SLC4A4: variants seen among roughly 807,000 people sequenced by gnomAD.
SLC4A4 encodes the protein electrogenic sodium bicarbonate cotransporter 1.
Under a neutral mutation model 111.5 loss-of-function variants are expected in SLC4A4, and 27 were observed. That is an observed-to-expected ratio of 0.24 (90% CI 0.18 to 0.33). The LOEUF (loss-of-function observed/expected upper bound fraction) is 0.33, where lower values mean the gene tolerates loss of function less well. Ranked by LOEUF, SLC4A4 falls within the 10% of genes least tolerant of loss-of-function variation. The pLI is 1.00. For synonymous variants in SLC4A4, 443 were observed against 463.4 expected (o/e 0.96, Z 0.57); for missense variants, 909 against 1,315.5 (o/e 0.69, Z 4.78).
At chr4:71,263,736 A>G (rs928511139) in intron 3 of SLC4A4, among the ~76,000 whole-genome samples, 2 of 152,206 alleles carry the variant, frequency 1.3e-5, no homozygotes, top group Non-Finnish European at 2.9e-5. Flanking sequence ...GCAATAACTA[A>G]TTTGTACATA....
At chr4:71,297,107 T>G (rs2148833967) in intron 3 of SLC4A4, among the ~76,000 whole-genome samples, 1 of 152,298 alleles carries the variant, frequency 6.6e-6, no homozygotes, top group South Asian at 2.1e-4. Context: ...GCAAGAGACA[T>G]TCTGAGGTTT....
chr4:71,512,854 A>G (rs1732054653), intron 16 of SLC4A4, among the ~76,000 whole-genome samples: 1 of 152,186 alleles, frequency 6.6e-6, no homozygotes, highest in African/African-American at 2.4e-5. Flanking sequence ...GGATGTGGGT[A>G]TCCAATTTTC....
At chr4:71,245,009 A>C (rs1720544107) in intron 2 of SLC4A4, among the ~76,000 whole-genome samples, 1 of 152,164 alleles carries the variant, frequency 6.6e-6, no homozygotes, top group South Asian at 2.1e-4. Context: ...AGGCCAGGGA[A>C]TATATCTCCT....
intron 1 of SLC4A4, among the ~76,000 whole-genome samples, chr4:71,229,625 G>T (rs922181260): frequency 1.3e-5 from 2 of 152,020 alleles, no homozygotes; most frequent in Non-Finnish European, 2.9e-5. Context: ...GATTTGCTTC[G>T]CTTTGTTGCT....
rs992792671 is a variant in SLC4A4, at chr4:71,407,273, T to G, written c.807+9620T>G. On this transcript the variant is annotated intron_variant, in intron 7 of 25. Transcript: ENST00000264485. ...AAATTTTTAAGGGTCTTATGGTGAC[T>G]GGATGGATGTTTCTGCTGCCACAAT... 3.0e-4 allele frequency among the ~76,000 whole-genome samples: 46 copies of G among 152,334 alleles called. 2 individuals carry two copies. Among genetic ancestry groups the G allele is most frequent in the Middle Eastern group, 3.4e-3 (1 of 294 alleles).
intron 7 of SLC4A4, among the ~76,000 whole-genome samples, chr4:71,398,435 G>A (rs1308349814): frequency 6.6e-6 from 1 of 152,122 alleles, no homozygotes; most frequent in Non-Finnish European, 1.5e-5. Context: ...AGAGCAATCA[G>A]GTTTTGAATA....
chr4:71,176,698 T>A (rs1745105476), intron 2 of SLC4A4, among the ~76,000 whole-genome samples: 1 of 152,146 alleles, frequency 6.6e-6, no homozygotes, highest in Admixed American at 6.5e-5. Context: ...CAAATCTACG[T>A]CTGATTGGTG....
Position 71,476,111 on chromosome 4 carries a change from T to A in SLC4A4, c.1903+3141T>A, listed in dbSNP as rs535135803. 3.3e-5 allele frequency among the ~76,000 whole-genome samples: 5 copies of A among 151,852 alleles called. No individual in the cohort carries two copies. In the South Asian group the frequency reaches 1.0e-3, roughly 32 times the overall value. ...TTGGAAAAAGGCAGTGGATAGTTATTTGCACTTTCATGACAATTTCATATT... is the reference window on the plus strand; with the variant it reads ...TTGGAAAAAGGCAGTGGATAGTTATATGCACTTTCATGACAATTTCATATT... On this transcript the variant is annotated intron_variant, in intron 14 of 25. Transcript: ENST00000264485.
At chr4:71,161,655 G>A (rs755975303) in intron 2 of SLC4A4, among the ~76,000 whole-genome samples, 1 of 152,170 alleles carries the variant, frequency 6.6e-6, no homozygotes, top group Non-Finnish European at 1.5e-5. Flanking sequence ...CTACTGAGCA[G>A]TGTTTGACAC....
At chr4:71,332,368 G>T (rs1728070933) in intron 3 of SLC4A4, among the ~76,000 whole-genome samples, 1 of 150,578 alleles carries the variant, frequency 6.6e-6, no homozygotes, top group Admixed American at 6.6e-5. Flanking sequence ...CCTTAGCTTT[G>T]CCCTTTTAGG....
intron 1 of SLC4A4, among the ~76,000 whole-genome samples, chr4:71,189,301 GT>G (rs946851624): frequency 2.7e-4 from 41 of 152,088 alleles, no homozygotes; most frequent in African/African-American, 9.9e-4. Context: ...TGTACTCTCA[GT>G]TTAGATTAAT....
intron 2 of SLC4A4, among the ~76,000 whole-genome samples, chr4:71,141,444 C>G (rs1028589966): frequency 1.3e-5 from 2 of 152,180 alleles, no homozygotes; most frequent in Non-Finnish European, 2.9e-5. Context: ...TCAAACATTT[C>G]AAGATTTTCC....
chr4:71,543,828 T>C (rs1374003389), intron 18 of SLC4A4, among the ~76,000 whole-genome samples: 1 of 152,100 alleles, frequency 6.6e-6, no homozygotes, highest in Non-Finnish European at 1.5e-5. Flanking sequence ...CTGTGATGTC[T>C]CTACTGTTTT....
In SLC4A4 at chr4:71,318,355, C is replaced by G. The variant is rs577494826; in HGVS notation, c.254-21015C>G. 4.6e-5 allele frequency among the ~76,000 whole-genome samples: 7 copies of G among 152,106 alleles called. No individual in the cohort carries two copies. The South Asian group carries it at 1.2e-3, about 27-fold the overall frequency. ...CATGCTAATTTCATAGGCAAATTAACCAATTGTCATTCACGGCAGGACATA... is the reference window on the plus strand; with the variant it reads ...CATGCTAATTTCATAGGCAAATTAAGCAATTGTCATTCACGGCAGGACATA... On this transcript the variant is annotated intron_variant, in intron 3 of 25. Transcript: ENST00000264485.
rs1306176674 is a variant in SLC4A4, at chr4:71,571,439, T to C, written c.*3688T>C. 1 of 152,142 alleles carries C rather than the reference T, an allele frequency of 6.6e-6. No homozygotes were observed. The highest frequency in any genetic ancestry group is 1.5e-5 in the Non-Finnish European group (1 of 67,868). The allele number at this position is 152,142 out of a possible 1,614,324, so 9.4% of individuals were successfully genotyped here. On this transcript the variant is annotated 3_prime_UTR_variant, in exon 26 of 26. Transcript: ENST00000264485. Reference sequence around the variant, plus strand: ...CTCACTATCTGAAAGGCCATGAGTTTTCAGATGATTTCATTGAGCTTCATT... The same window carrying C: ...CTCACTATCTGAAAGGCCATGAGTTCTCAGATGATTTCATTGAGCTTCATT...
chr4:71,275,064 A>AT (rs1722974086), intron 3 of SLC4A4, among the ~76,000 whole-genome samples: 1 of 151,978 alleles, frequency 6.6e-6, no homozygotes, highest in Non-Finnish European at 1.5e-5. Context: ...CAGCTCATTC[A>AT]TAGGCCTAGG....
chr4:71,309,087 C>T (rs1218756684), intron 3 of SLC4A4, among the ~76,000 whole-genome samples: 1 of 152,126 alleles, frequency 6.6e-6, no homozygotes, highest in Non-Finnish European at 1.5e-5. Flanking sequence ...GGTGGCTTTC[C>T]CCTGACCATG....
At chr4:71,423,925 G>T (rs539518551) in intron 7 of SLC4A4, among the ~76,000 whole-genome samples, 9 of 152,226 alleles carry the variant, frequency 5.9e-5, no homozygotes, top group Admixed American at 5.2e-4. Flanking sequence ...CAGGACATAG[G>T]CATGGGCAAG....
At chr4:71,465,035 A>T (rs1308105379) in intron 12 of SLC4A4, among the ~76,000 whole-genome samples, 1 of 152,132 alleles carries the variant, frequency 6.6e-6, no homozygotes, top group Non-Finnish European at 1.5e-5. Context: ...AGGCTGACAG[A>T]TGGATAGGTT....
Sources: gnomAD v4.1 joint callset for allele counts (sites outside exome capture counted in the v4.1 genomes callset) on GRCh38, gnomAD v4.1.1 for gene constraint, MANE v1.5 for transcripts, NCBI Gene and HGNC (gene_info 2026-07-23, HGNC 2026-07-21) for gene names.